The following RORA variants were observed in gnomAD, a reference collection of about 807,000 sequenced individuals.
RORA encodes the protein RAR related orphan receptor A.
In RORA, 7 loss-of-function variants were observed where a neutral mutation model predicts 69.5. The observed-to-expected ratio is 0.10, with a 90% confidence interval of 0.06 to 0.19. The LOEUF (loss-of-function observed/expected upper bound fraction) is 0.19. Among genes scored for constraint, RORA ranks in the 10% least tolerant of loss-of-function variants. RORA has a pLI of 1.00. For synonymous variants in RORA, 261 were observed against 240.8 expected (o/e 1.08, Z -0.78); for missense variants, 457 against 663.0 (o/e 0.69, Z 3.41).
At chr15:60,678,592 A>G (rs1384804898) in intron 2 of RORA, 65 bp downstream of exon 2, 6 of 1,191,278 alleles carry the variant, frequency 5.0e-6, no homozygotes, top group Non-Finnish European at 7.5e-6. Context: ...GGGTCACAGC[A>G]GCCAGACATA....
At chr15:60,834,948 G>A (rs2073097094) in intron 1 of RORA, among the ~76,000 whole-genome samples, 1 of 151,848 alleles carries the variant, frequency 6.6e-6, no homozygotes, top group Non-Finnish European at 1.5e-5. Flanking sequence ...CAGAATAGGA[G>A]TCGACAAGCT....
At chr15:60,949,212 C>G (rs536118347) in intron 1 of RORA, among the ~76,000 whole-genome samples, 1 of 152,144 alleles carries the variant, frequency 6.6e-6, no homozygotes, top group Non-Finnish European at 1.5e-5. Context: ...CACAGCCTAA[C>G]GTGTTGAGGC....
At chr15:60,947,554 C>T (rs555162814) in intron 1 of RORA, among the ~76,000 whole-genome samples, 58 of 150,826 alleles carry the variant, frequency 3.8e-4, no homozygotes, top group South Asian at 6.4e-4. Flanking sequence ...ACAAACACTG[C>T]GGAAGGCCCC....
At chr15:60,782,919 A>G (rs1049429448) in intron 1 of RORA, among the ~76,000 whole-genome samples, 3 of 152,244 alleles carry the variant, frequency 2.0e-5, no homozygotes, top group Non-Finnish European at 4.4e-5. Flanking sequence ...AAATATGGCA[A>G]TTGGTAACCA....
chr15:60,719,942 T>C (rs753999051), intron 1 of RORA, among the ~76,000 whole-genome samples: 7 of 152,150 alleles, frequency 4.6e-5, no homozygotes, highest in Admixed American at 4.6e-4. Flanking sequence ...CATTGCAGTG[T>C]TGCCTTTCAG....
At chr15:61,134,118 C>T (rs2079215645) in intron 1 of RORA, among the ~76,000 whole-genome samples, 1 of 152,194 alleles carries the variant, frequency 6.6e-6, no homozygotes, top group African/African-American at 2.4e-5. Flanking sequence ...TTATTTGGGA[C>T]TCAGGATGAG....
chr15:60,649,125 G>T (rs11071549), intron 2 of RORA, among the ~76,000 whole-genome samples: 60,954 of 151,640 alleles, frequency 0.4, 12,679 homozygotes, highest in East Asian at 0.6. Flanking sequence ...CGTCACTTTT[G>T]TGGCTGTTCA....
intron 1 of RORA, among the ~76,000 whole-genome samples, chr15:61,174,998 A>C (rs1302681384): frequency 6.6e-6 from 1 of 152,216 alleles, no homozygotes; most frequent in East Asian, 1.9e-4. Flanking sequence ...GTTCTTAACT[A>C]TTCTACTGGT....
intron 1 of RORA, among the ~76,000 whole-genome samples, chr15:61,054,368 G>GTT (rs1376686770): frequency 9.9e-5 from 15 of 151,560 alleles, no homozygotes; most frequent in African/African-American, 3.6e-4. Flanking sequence ...ATCTTCATTA[G>GTT]TTAGCACAGC....
intron 1 of RORA, among the ~76,000 whole-genome samples, chr15:60,785,642 C>A (rs1015509435): frequency 1.3e-5 from 2 of 152,220 alleles, no homozygotes; most frequent in African/African-American, 4.8e-5. Flanking sequence ...CGTTTCAGGG[C>A]TGCAGCCTCG....
intron 2 of RORA, among the ~76,000 whole-genome samples, chr15:60,633,872 T>C (rs1043911283): frequency 6.6e-6 from 1 of 152,370 alleles, no homozygotes; most frequent in Admixed American, 6.5e-5. Flanking sequence ...AAGGTATTTT[T>C]ACCAGGGAAA....
intron 1 of RORA, among the ~76,000 whole-genome samples, chr15:61,197,558 A>G (rs2079856397): frequency 6.6e-6 from 1 of 152,164 alleles, no homozygotes; most frequent in Admixed American, 6.5e-5. Context: ...TGGCAGATCT[A>G]TATTCACTAC....
intron 1 of RORA, among the ~76,000 whole-genome samples, chr15:60,719,427 G>A (rs751119850): frequency 2.0e-5 from 3 of 151,938 alleles, no homozygotes; most frequent in Non-Finnish European, 2.9e-5. Flanking sequence ...GAGTATTTTT[G>A]GAAATTTTCA....
chr15:60,777,815 C>T (rs1440200671), intron 1 of RORA, among the ~76,000 whole-genome samples: 3 of 152,224 alleles, frequency 2.0e-5, no homozygotes, highest in East Asian at 1.9e-4. Flanking sequence ...TACCCATAGT[C>T]GAGGAGCGTA....
At chr15:60,756,290 T>A (rs1160615243) in intron 1 of RORA, among the ~76,000 whole-genome samples, 1 of 152,240 alleles carries the variant, frequency 6.6e-6, no homozygotes, top group African/African-American at 2.4e-5. Flanking sequence ...TGTTACCAGT[T>A]ATTGTGGCAA....
At chr15:61,043,466 A>G (rs1438019610) in intron 1 of RORA, among the ~76,000 whole-genome samples, 1 of 152,198 alleles carries the variant, frequency 6.6e-6, no homozygotes, top group African/African-American at 2.4e-5. Flanking sequence ...TGCTACATAA[A>G]TGTTTTCTAC....
intron 1 of RORA, among the ~76,000 whole-genome samples, chr15:61,227,211 A>AC (rs995009679): frequency 3.3e-5 from 1 of 30,600 alleles, no homozygotes; most frequent in African/African-American, 5.9e-5. Context: ...CCCCCATTCC[A>AC]AAAAAAAAAA....
chr15:60,662,178 G>A (rs1003202569), intron 2 of RORA, among the ~76,000 whole-genome samples: 1 of 152,144 alleles, frequency 6.6e-6, no homozygotes, highest in Non-Finnish European at 1.5e-5. Flanking sequence ...TTGGGGGATG[G>A]TATTATTAGC....
At chr15:60,705,330 T>C (rs1187931944) in intron 1 of RORA, among the ~76,000 whole-genome samples, 1 of 152,228 alleles carries the variant, frequency 6.6e-6, no homozygotes, top group Non-Finnish European at 1.5e-5. Flanking sequence ...GAGTTTTCCC[T>C]GAAATTTCTG....
Sources: gnomAD v4.1 joint callset for allele counts (sites outside exome capture counted in the v4.1 genomes callset) on GRCh38, gnomAD v4.1.1 for gene constraint, MANE v1.5 for transcripts, NCBI Gene and HGNC (gene_info 2026-07-23, HGNC 2026-07-21) for gene names.